Variants in PCLO observed in about 807,000 individuals in gnomAD.
The protein encoded by PCLO is protein piccolo.
PCLO carries 82 observed loss-of-function variants against 427.5 expected under a neutral mutation model. The observed-to-expected ratio is 0.19, with a 90% CI of 0.16 to 0.23. The LOEUF (loss-of-function observed/expected upper bound fraction) is 0.23. PCLO is among the 10% of genes least tolerant of loss of function. The probability of loss-of-function intolerance (pLI) is 1.00; values close to 1 mark genes in which losing one functional copy is unlikely to be tolerated. For synonymous variants in PCLO, 2,357 were observed against 2,155.4 expected (o/e 1.09, Z -2.59); for missense variants, 6,239 against 6,115.9 (o/e 1.02, Z -0.67).
chr7:83,108,125 T>C (rs1387277002), intron 3 of PCLO, among the ~76,000 whole-genome samples: 2 of 152,100 alleles, frequency 1.3e-5, no homozygotes, highest in Non-Finnish European at 2.9e-5. Context: ...CTACAGTTTA[T>C]ATAAAGTCAA....
intron 2 of PCLO, among the ~76,000 whole-genome samples, chr7:83,139,543 G>A (rs980318872): frequency 6.6e-6 from 1 of 152,112 alleles, no homozygotes; most frequent in Non-Finnish European, 1.5e-5. Flanking sequence ...GTTTATAAAT[G>A]TACATGGATA....
At chr7:82,764,505 G>T (rs1790493315) in intron 22 of PCLO, among the ~76,000 whole-genome samples, 1 of 151,868 alleles carries the variant, frequency 6.6e-6, no homozygotes, top group African/African-American at 2.4e-5. Flanking sequence ...AATTGTTTCA[G>T]ATTGGCTCAC....
At chr7:82,896,422 T>G (rs1793905172) in intron 9 of PCLO, among the ~76,000 whole-genome samples, 1 of 151,662 alleles carries the variant, frequency 6.6e-6, no homozygotes, top group Non-Finnish European at 1.5e-5. Flanking sequence ...TGATCCAATT[T>G]ATATGAAATG....
chr7:83,079,120 C>A (rs1163837066), intron 3 of PCLO, among the ~76,000 whole-genome samples: 1 of 151,880 alleles, frequency 6.6e-6, no homozygotes, highest in Non-Finnish European at 1.5e-5. Flanking sequence ...CTATCAGAGC[C>A]ATATATATGG....
At chr7:82,825,429 A>T (rs1791910719) in intron 18 of PCLO, among the ~76,000 whole-genome samples, 1 of 152,056 alleles carries the variant, frequency 6.6e-6, no homozygotes, top group African/African-American at 2.4e-5. Flanking sequence ...CTGGAAGGTA[A>T]GGGTCAAATG....
In PCLO at chr7:83,106,306, A is replaced by G. The variant is rs548876774; in HGVS notation, c.3300+27944T>C. Among the ~76,000 whole-genome samples the G allele has an allele frequency of 4.6e-5, 7 of 152,314 alleles. 1 individual carries two copies. The highest frequency in any genetic ancestry group is 1.7e-4 in the African/African-American group (7 of 41,572). On this transcript the variant is annotated intron_variant, in intron 3 of 24. Transcript: ENST00000333891. The stretch of plus-strand genomic sequence containing the variant: ...GTGAGGCAAAGCTGTGTCTGCCGCT[A>G]AAGTTACCCTATGGAGCATTATCCT...
chr7:83,016,348 T>C (rs148467111), intron 3 of PCLO, among the ~76,000 whole-genome samples: 1,890 of 152,314 alleles, frequency 0.012, 20 homozygotes, highest in Non-Finnish European at 0.019. Flanking sequence ...TTTCAATTAC[T>C]GTAAGAAGAA....
At chr7:83,092,716 G>A (rs903082973) in intron 3 of PCLO, among the ~76,000 whole-genome samples, 2 of 151,992 alleles carry the variant, frequency 1.3e-5, no homozygotes, top group Non-Finnish European at 1.5e-5. Flanking sequence ...TTGAGAGGCC[G>A]AGGCAGGGGG....
At chr7:82,984,970 ATAAAAT>A (rs1796227147) in intron 3 of PCLO, among the ~76,000 whole-genome samples, 2 of 152,010 alleles carry the variant, frequency 1.3e-5, no homozygotes, top group Non-Finnish European at 2.9e-5. Context: ...GTTTCTACTG[ATAAAAT>A]TGAAAGAATA....
At chr7:82,846,300 T>C (rs1395838700) in intron 12 of PCLO, among the ~76,000 whole-genome samples, 1 of 152,124 alleles carries the variant, frequency 6.6e-6, no homozygotes, top group Admixed American at 6.6e-5. Context: ...ATTAAAACTG[T>C]GAACTCATGC....
Position 82,965,786 on chromosome 7 carries a change from A to C in PCLO, c.4002T>G (p.Pro1334=), listed in dbSNP as rs1275076994. Reference sequence around the variant, plus strand: ...TTTAACTTACTGTTTTTTCTTTCCCAGGTTCCACCTGATCAGGTTTTGCTG... The same window carrying C: ...TTTAACTTACTGTTTTTTCTTTCCCCGGTTCCACCTGATCAGGTTTTGCTG... ...PCTAKPDQVE[P]GKEKTEKEDD... Residue 1334 remains proline (P), a synonymous_variant, in exon 4 of 25, where the codon CCT becomes CCG. Coordinates refer to ENST00000333891, the MANE Select transcript of PCLO (RefSeq NM_033026.6). The C allele has an allele frequency of 6.3e-7, 1 of 1,580,698 alleles. No individual in the cohort carries two copies. The highest frequency in any genetic ancestry group is 8.6e-7 in the Non-Finnish European group (1 of 1,167,814).
intron 13 of PCLO, among the ~76,000 whole-genome samples, chr7:82,842,422 T>G (rs1792390187): frequency 6.6e-6 from 1 of 152,184 alleles, no homozygotes; most frequent in East Asian, 1.9e-4. Flanking sequence ...ATATAAGACC[T>G]GAAAATTTAA....
rs373165932 is a variant in PCLO at position 83,007,464 on chromosome 7, A to G, written c.3301-40977T>C. 6.6e-5 allele frequency among the ~76,000 whole-genome samples: 10 copies of G among 151,580 alleles called. No individual in the cohort carries two copies. The East Asian group carries it at 1.9e-3, about 29-fold the overall frequency. ...ATAATGGAAAAATGGAAAGTACTAT[A>G]TATTTTATAGCTATGGAAAAACGAT... On this transcript the variant is annotated intron_variant, in intron 3 of 24. Transcript: ENST00000333891.
chr7:82,895,403 C>T (rs901648083), intron 9 of PCLO, among the ~76,000 whole-genome samples: 1 of 151,458 alleles, frequency 6.6e-6, no homozygotes, highest in Admixed American at 6.6e-5. Flanking sequence ...TAACTTTTCA[C>T]CTTAAGAATC....
intron 9 of PCLO, 21 bp from the exon 10 acceptor site, chr7:82,879,483 A>G: frequency 6.5e-7 from 1 of 1,538,092 alleles, no homozygotes; most frequent in Non-Finnish European, 8.9e-7. Context: ...CAATTAGCAA[A>G]TTATTAGTAC....
At position 82,845,686 on chromosome 7, in the gene PCLO, C is replaced by A. The variant is rs535474020; in HGVS notation, c.13832-201G>T. Among the ~76,000 whole-genome samples, 9 of 152,154 alleles carry A rather than the reference C, an allele frequency of 5.9e-5. No individual in the cohort carries two copies. In the East Asian group the frequency reaches 1.4e-3, roughly 23 times the overall value. ...AGGCTCTGAGAAGAGTGACATAATG[C>A]TGAATTACAGAGGAATAGTGAAGTT... On this transcript the variant is annotated intron_variant, in intron 12 of 24. Transcript: ENST00000333891.
rs1792223995 is a variant in PCLO at position 83,154,764 on chromosome 7, T to C, written c.1877A>G (p.Asn626Ser). Residue 626 changes from asparagine to serine, a missense_variant, in exon 2 of 25, where the codon AAT becomes AGT. Asn to Ser is a conservative substitution (Grantham distance 46). Around this residue, in one of 5 missense-constraint regions of PCLO, gnomAD observed 4,677 missense variants for 4,468.4 expected, o/e 1.05. Coordinates refer to ENST00000333891, the MANE Select transcript of PCLO (RefSeq NM_033026.6). ...TVCSLCGFNP[N>S]PHLTEVKEWL... ...TGCACTTACCTCCGTTAAATGAGGATTGGGATTAAAACCACAGAGACTACA... is the reference window on the plus strand; with the variant it reads ...TGCACTTACCTCCGTTAAATGAGGACTGGGATTAAAACCACAGAGACTACA... 6.2e-7 allele frequency: 1 copy of C among 1,613,252 alleles called. No individual in the cohort carries two copies.
At chr7:83,103,538 T>C (rs73707543) in intron 3 of PCLO, among the ~76,000 whole-genome samples, 1,655 of 152,112 alleles carry the variant, frequency 0.011, 33 homozygotes, top group African/African-American at 0.038. Flanking sequence ...GGATATATAC[T>C]ATTATGAGTC....
chr7:83,056,483 C>A (rs991320962), intron 3 of PCLO, among the ~76,000 whole-genome samples: 6 of 152,110 alleles, frequency 3.9e-5, no homozygotes, highest in Non-Finnish European at 7.4e-5. Context: ...ATATCCACGT[C>A]GAATGAGGAT....
Sources: allele counts gnomAD v4.1 joint callset (sites outside exome capture counted in the v4.1 genomes callset), GRCh38; gene constraint gnomAD v4.1.1; regional missense constraint gnomAD v4.1.1; transcripts MANE v1.5; gene names NCBI Gene and HGNC (gene_info 2026-07-23, HGNC 2026-07-21).